Variants in RASA2 observed in about 807,000 individuals in gnomAD.
RASA2 encodes ras GTPase-activating protein 2.
Under a neutral mutation model 118.2 loss-of-function variants are expected in RASA2, and 155 were observed. The ratio of observed to expected loss-of-function variants is 1.31; its 90% CI spans 1.15 to 1.50. The LOEUF (loss-of-function observed/expected upper bound fraction) is 1.50, where lower values mean the gene tolerates loss of function less well. RASA2 is among the 40% of genes most tolerant of loss of function. The pLI is 0.00. For synonymous variants in RASA2, 353 were observed against 349.1 expected (o/e 1.01, Z -0.12); for missense variants, 1,016 against 1,009.6 (o/e 1.01, Z -0.09).
Position 141,528,457 on chromosome 3 carries a change from G to A in RASA2, c.356-1251G>A, listed in dbSNP as rs540125810. ...AACATTATAAAAGTTAACAGTAGGG[G>A]AATGTGAGTAGAAAATATGGAAATT... On this transcript the variant is annotated intron_variant, in intron 3 of 23. Transcript: ENST00000286364. Among the ~76,000 whole-genome samples the A allele has an allele frequency of 2.6e-5, 4 of 152,072 alleles. No homozygotes were observed. The East Asian group carries it at 7.7e-4, about 29-fold the overall frequency.
rs575232213 is a variant in RASA2 at position 141,487,493 on chromosome 3, C to T, written c.133+277C>T. Among the ~76,000 whole-genome samples, 997 of 149,666 alleles carry T rather than the reference C, an allele frequency of 6.7e-3. 12 individuals are homozygous for T. The highest frequency in any genetic ancestry group is 0.023 in the African/African-American group (934 of 40,446). On this transcript the variant is annotated intron_variant, in intron 1 of 23. Transcript: ENST00000286364. ...CCGGGCTGCGCCGGCGTGAGGGGCT[C>T]GGTCGTGGGGAGCGGCCTGGACGCG...
chr3:141,580,513 C>A, intron 16 of RASA2, 62 bp downstream of exon 16: 1 of 1,303,620 alleles, frequency 7.7e-7, no homozygotes, highest in Non-Finnish European at 1.1e-6. Context: ...TCCTATGATC[C>A]CTTATCCTTG....
chr3:141,540,725 G>A (rs2082394143), intron 5 of RASA2, 116 bp downstream of exon 5: 2 of 788,066 alleles, frequency 2.5e-6, no homozygotes. Context: ...ATGAAATTCT[G>A]CTATGTCATT....
At chr3:141,534,403 C>A (rs576775310) in intron 4 of RASA2, among the ~76,000 whole-genome samples, 4 of 152,240 alleles carry the variant, frequency 2.6e-5, no homozygotes, top group Middle Eastern at 3.4e-3. Context: ...TAAACCAAAT[C>A]TCCCATATGG....
In RASA2 at chr3:141,571,509, T is replaced by C; in HGVS notation, c.1124T>C (p.Val375Ala). The change falls in exon 11 of 24, where the codon GTT becomes GCT. Residue 375 changes from valine to alanine, a missense_variant. Around this residue, in one of 2 missense-constraint regions of RASA2, gnomAD observed 896 missense variants for 836.4 expected, o/e 1.07. Coordinates refer to ENST00000286364, the MANE Select transcript of RASA2 (RefSeq NM_006506.5). ...CTGCTGCTGCACCATGATAAACTTG[T>C]TCCTTTTGCCACTGCTGTGGCTGAA... ...VRLLLHHDKL[V>A]PFATAVAELD... The C allele has an allele frequency of 6.2e-7, 1 of 1,612,930 alleles. No individual in the cohort carries two copies. Among genetic ancestry groups the C allele is most frequent in the Non-Finnish European group, 8.5e-7 (1 of 1,179,372 alleles).
Position 141,516,399 on chromosome 3 carries a change from A to G in RASA2, c.323A>G (p.Asp108Gly). The change falls in exon 3 of 24, where the codon GAT becomes GGT. Residue 108 changes from aspartate (D) to glycine (G), a missense_variant. Transcript: ENST00000286364. Reference sequence around the variant, plus strand: ...CAGTATTTGTCTTTCTATGTTTATGATAAGAATGTTTTACAAAGAGATCTC... The same window carrying G: ...CAGTATTTGTCTTTCTATGTTTATGGTAAGAATGTTTTACAAAGAGATCTC... ...TFQYLSFYVY[D>G]KNVLQRDLRI... 1 of 1,558,234 alleles carries G rather than the reference A, an allele frequency of 6.4e-7. No homozygotes were observed. The highest frequency in any genetic ancestry group is 8.7e-7 in the Non-Finnish European group (1 of 1,153,074).
intron 1 of RASA2, among the ~76,000 whole-genome samples, chr3:141,503,060 G>A (rs1452534084): frequency 6.6e-6 from 1 of 152,124 alleles, no homozygotes; most frequent in Non-Finnish European, 1.5e-5. Flanking sequence ...GAATAGTAAT[G>A]CTTATCTCAC....
chr3:141,533,823 T>C (rs1052660735), intron 4 of RASA2, among the ~76,000 whole-genome samples: 8 of 152,182 alleles, frequency 5.3e-5, no homozygotes, highest in South Asian at 4.1e-4. Flanking sequence ...CCTCAACCTA[T>C]TCTAATCTGC....
chr3:141,504,474 TAGA>T (rs1300282890), intron 1 of RASA2, among the ~76,000 whole-genome samples: 2 of 152,162 alleles, frequency 1.3e-5, no homozygotes, highest in African/African-American at 4.8e-5. Context: ...CTAAGACTCT[TAGA>T]AGTCATTCTT....
intron 23 of RASA2, among the ~76,000 whole-genome samples, chr3:141,611,021 C>T (rs1444946277): frequency 6.6e-6 from 1 of 152,160 alleles, no homozygotes; most frequent in Non-Finnish European, 1.5e-5. Context: ...AGCAACAACT[C>T]GCATTTATTG....
chr3:141,611,623 A>AGGTCACAC (rs1220924669), intron 23 of RASA2, among the ~76,000 whole-genome samples: 1 of 152,176 alleles, frequency 6.6e-6, no homozygotes, highest in African/African-American at 2.4e-5. Context: ...CACAGCTGAC[A>AGGTCACAC]AGTCACACTG....
At chr3:141,489,799 C>T (rs541723905) in intron 1 of RASA2, among the ~76,000 whole-genome samples, 3 of 152,208 alleles carry the variant, frequency 2.0e-5, no homozygotes, top group Non-Finnish European at 2.9e-5. Flanking sequence ...TCCCCTTATA[C>T]TTCACAAGGT....
At chr3:141,598,003 A>G (rs2083402023) in intron 19 of RASA2, among the ~76,000 whole-genome samples, 1 of 150,742 alleles carries the variant, frequency 6.6e-6, no homozygotes, top group Non-Finnish European at 1.5e-5. Context: ...ACTAAAACAG[A>G]TGCAAGAAAA....
At chr3:141,517,717 G>C (rs990257238) in intron 3 of RASA2, among the ~76,000 whole-genome samples, 13 of 151,992 alleles carry the variant, frequency 8.6e-5, no homozygotes, top group Admixed American at 7.9e-4. Context: ...TCAGTGGCGC[G>C]ATCTCAGCTC....
At chr3:141,541,098 C>T (rs1424731730) in intron 5 of RASA2, among the ~76,000 whole-genome samples, 2 of 152,098 alleles carry the variant, frequency 1.3e-5, no homozygotes, top group Non-Finnish European at 1.5e-5. Context: ...TCTGTTGTAG[C>T]CCAATCCCCT....
chr3:141,487,570 A>T (rs2081593454), intron 1 of RASA2, among the ~76,000 whole-genome samples: 1 of 150,958 alleles, frequency 6.6e-6, no homozygotes, highest in South Asian at 2.1e-4. Context: ...GGGCGTGAGG[A>T]GCTTCCGGCC....
intron 9 of RASA2, among the ~76,000 whole-genome samples, chr3:141,565,108 C>T (rs1196095971): frequency 6.6e-6 from 1 of 152,142 alleles, no homozygotes; most frequent in Non-Finnish European, 1.5e-5. Flanking sequence ...GCCTCAGCCT[C>T]CCAAGTAGCT....
chr3:141,545,507 C>T (rs924627657), intron 5 of RASA2, among the ~76,000 whole-genome samples: 2 of 147,508 alleles, frequency 1.4e-5, no homozygotes, highest in African/African-American at 5.1e-5. Context: ...CTCTGTCGAC[C>T]AGGCTGGGGT....
chr3:141,552,672 G>A (rs570160278), intron 5 of RASA2, among the ~76,000 whole-genome samples: 8 of 152,230 alleles, frequency 5.3e-5, no homozygotes, highest in African/African-American at 1.2e-4. Flanking sequence ...ATCTTGGCTT[G>A]TGTTTTCTTT....
Sources: allele counts gnomAD v4.1 joint callset (sites outside exome capture counted in the v4.1 genomes callset), GRCh38; gene constraint gnomAD v4.1.1; regional missense constraint gnomAD v4.1.1; transcripts MANE v1.5; gene names NCBI Gene and HGNC (gene_info 2026-07-23, HGNC 2026-07-21).